Variants in SLC47A1 observed in about 807,000 individuals in gnomAD.
SLC47A1 encodes the protein solute carrier family 47 member 1, also known as multidrug and toxin extrusion protein 1.
In SLC47A1, 58 loss-of-function variants were observed where a neutral mutation model predicts 65.8. The ratio of observed to expected loss-of-function variants is 0.88; its 90% CI spans 0.71 to 1.10. The LOEUF (loss-of-function observed/expected upper bound fraction) is 1.10, where lower values mean the gene tolerates loss of function less well. Ranked by LOEUF, SLC47A1 falls within the 50% of genes least tolerant of loss-of-function variation. SLC47A1 has a pLI of 0.00. For synonymous variants in SLC47A1, 285 were observed against 295.0 expected (o/e 0.97, Z 0.35); for missense variants, 706 against 719.2 (o/e 0.98, Z 0.21).
Position 19,542,498 on chromosome 17 carries a change from C to T in SLC47A1, c.237+4C>T, listed in dbSNP as rs200313255. 45 of 1,605,010 alleles carry T rather than the reference C, an allele frequency of 2.8e-5. No individual in the cohort carries two copies. The highest frequency in any genetic ancestry group is 6.7e-5 in the African/African-American group (5 of 74,454). On this transcript the variant is annotated splice_donor_region_variant and intron_variant, in intron 2 of 16. Coordinates refer to ENST00000270570, the MANE Select transcript of SLC47A1 (RefSeq NM_018242.3). ...TGCAGTCACGCTGGCAATCGCGGTA[C>T]GTGTGGGCTTTCTGGCAGGTTTACC... is the stretch of plus-strand genomic sequence containing the variant.
At chr17:19,563,026 T>G (rs2084325468) in intron 12 of SLC47A1, among the ~76,000 whole-genome samples, 1 of 151,172 alleles carries the variant, frequency 6.6e-6, no homozygotes, top group African/African-American at 2.4e-5. Flanking sequence ...TCTAAAAATG[T>G]GGAATAAACA....
At position 19,577,626 on chromosome 17, in the gene SLC47A1, A is replaced by G; in HGVS notation, c.*73A>G. The G allele has an allele frequency of 1.9e-6, 3 of 1,591,446 alleles. No homozygotes were observed. The highest frequency in any genetic ancestry group is 2.6e-6 in the Non-Finnish European group (3 of 1,168,370). The stretch of plus-strand genomic sequence containing the variant: ...ACAATTCACAGGCCCACCAGTGACA[A>G]TTTACTGTGAGTTAATGTCATTCAG... On this transcript the variant is annotated 3_prime_UTR_variant, in exon 17 of 17. Coordinates refer to ENST00000270570, the MANE Select transcript of SLC47A1 (RefSeq NM_018242.3).
At chr17:19,564,845 C>T (rs1199615244) in intron 12 of SLC47A1, among the ~76,000 whole-genome samples, 1 of 152,068 alleles carries the variant, frequency 6.6e-6, no homozygotes, top group Non-Finnish European at 1.5e-5. Context: ...CTCAGCCTCC[C>T]GAGTAGCTGG....
chr17:19,577,887 A>T lies in SLC47A1; in HGVS notation c.*334A>T, dbSNP rs2084453327. 1 of 1,241,280 alleles carries T rather than the reference A, an allele frequency of 8.1e-7. No homozygotes were observed. Among genetic ancestry groups the T allele is most frequent in the Admixed American group, 3.2e-5 (1 of 31,412 alleles). The allele number at this position is 1,241,280 out of a possible 1,614,324, so 76.9% of individuals were successfully genotyped here. A position where few individuals can be genotyped will look rare whatever the true frequency, so the allele number is the denominator to read the frequency against. Reference sequence around the variant, plus strand: ...AAACCCATAAACTAACTGCTTAAGAATTCATACTGCTTGAATTATGTAAAA... The same window carrying T: ...AAACCCATAAACTAACTGCTTAAGATTTCATACTGCTTGAATTATGTAAAA... On this transcript the variant is annotated 3_prime_UTR_variant, in exon 17 of 17. Coordinates refer to ENST00000270570, the MANE Select transcript of SLC47A1 (RefSeq NM_018242.3).
chr17:19,560,415 C>T lies in SLC47A1; in HGVS notation c.1031-3C>T. The T allele has an allele frequency of 2.5e-6, 4 of 1,614,158 alleles. No individual in the cohort carries two copies. Among genetic ancestry groups the T allele is most frequent in the Admixed American group, 3.3e-5 (2 of 60,024 alleles). On this transcript the variant is annotated splice_polypyrimidine_tract_variant and splice_region_variant and intron_variant, in intron 11 of 16. Transcript: ENST00000270570. The stretch of plus-strand genomic sequence containing the variant: ...TTGTTTCTTCTGCCGTTTTTACCTT[C>T]AGTGCTCTTTGCTGTAGCCTTCAGT...
chr17:19,533,966 A>G lies in SLC47A1; in HGVS notation c.27A>G (p.Pro9=), dbSNP rs756949058. 2.0e-6 allele frequency: 3 copies of G among 1,535,834 alleles called. No homozygotes were observed. The highest frequency in any genetic ancestry group is 1.2e-5 in the South Asian group (1 of 82,464). Reference sequence around the variant, plus strand: ...TGGAAGCTCCTGAGGAGCCCGCGCCAGTGCGCGGAGGCCCGGAGGCCACCC... The same window carrying G: ...TGGAAGCTCCTGAGGAGCCCGCGCCGGTGCGCGGAGGCCCGGAGGCCACCC... MEAPEEPA[P]VRGGPEATLE... is the part of the protein sequence containing the mutation. Residue 9 remains proline, a synonymous_variant, in exon 1 of 17, where the codon CCA becomes CCG. Transcript: ENST00000270570.
intron 16 of SLC47A1, among the ~76,000 whole-genome samples, chr17:19,574,658 T>C (rs2084424890): frequency 3.3e-5 from 5 of 152,206 alleles, no homozygotes; most frequent in Admixed American, 3.3e-4. Flanking sequence ...TGTTTTTGAG[T>C]CTCACTCTGT....
rs545512039 is a variant in SLC47A1, at chr17:19,537,559, G to A, written c.135+3485G>A. Among the ~76,000 whole-genome samples, 7 of 152,316 alleles carry A rather than the reference G, an allele frequency of 4.6e-5. No individual in the cohort carries two copies. In the South Asian group the frequency reaches 6.2e-4, roughly 14 times the overall value. Reference sequence around the variant, plus strand: ...GACAGAGGAAAGCCGGGTGAGGTCCGGCCCCCACGCCTCTACTCCCCGTTC... The same window carrying A: ...GACAGAGGAAAGCCGGGTGAGGTCCAGCCCCCACGCCTCTACTCCCCGTTC... On this transcript the variant is annotated intron_variant, in intron 1 of 16. Transcript: ENST00000270570.
chr17:19,534,343 G>A, intron 1 of SLC47A1: 1 of 398,084 alleles, frequency 2.5e-6, no homozygotes. Context: ...GGCTCGGAGA[G>A]GCCGGCGGCT....
intron 1 of SLC47A1, among the ~76,000 whole-genome samples, chr17:19,540,296 C>T (rs1013657705): frequency 3.9e-5 from 6 of 152,124 alleles, no homozygotes; most frequent in Non-Finnish European, 7.4e-5. Flanking sequence ...ACAGGTGGCC[C>T]ACAGGGAGGC....
chr17:19,548,536 G>T (rs949876743), intron 4 of SLC47A1, among the ~76,000 whole-genome samples: 1 of 129,708 alleles, frequency 7.7e-6, no homozygotes, highest in Non-Finnish European at 1.6e-5. Context: ...GTCTCACTCC[G>T]TCCCCCAGAC....
At chr17:19,559,341 T>C (rs1048220360) in intron 10 of SLC47A1, among the ~76,000 whole-genome samples, 49 of 152,180 alleles carry the variant, frequency 3.2e-4, no homozygotes, top group Non-Finnish European at 8.8e-5. Flanking sequence ...TCTTCTAAGC[T>C]GGATCCCTTG....
At chr17:19,546,310 G>C in intron 2 of SLC47A1, 125 bp from the exon 3 acceptor site, 1 of 906,098 alleles carries the variant, frequency 1.1e-6, no homozygotes, top group East Asian at 2.6e-5. Context: ...AGCTAACAAA[G>C]TTGGTAAAAT....
chr17:19,577,471 T>C lies in SLC47A1; in HGVS notation c.1631T>C (p.Leu544Pro). 6 of 1,614,180 alleles carry C rather than the reference T, an allele frequency of 3.7e-6. No individual in the cohort carries two copies. The highest frequency in any genetic ancestry group is 5.1e-6 in the Non-Finnish European group (6 of 1,180,036). The change falls in exon 17 of 17, where the codon CTG becomes CCG. Residue 544 changes from leucine (L) to proline (P), a missense_variant. By Grantham distance (98) the Leu-to-Pro change is moderately conservative (BLOSUM62 -3). Coordinates refer to ENST00000270570, the MANE Select transcript of SLC47A1 (RefSeq NM_018242.3). ...GAKLSRKQLV[L>P]RRGLLLLGVF... ...AAATTGTCCAGGAAACAGCTGGTGC[T>C]GCGGCGAGGGCTTCTGCTCCTGGGG...
At chr17:19,542,607 T>A in intron 2 of SLC47A1, 113 bp downstream of exon 2, 1 of 870,488 alleles carries the variant, frequency 1.1e-6, no homozygotes, top group East Asian at 2.8e-5. Flanking sequence ...CTTATTCTCT[T>A]ACAGTGCTGG....
At chr17:19,560,895 A>AT (rs1055411802) in intron 12 of SLC47A1, among the ~76,000 whole-genome samples, 1 of 150,664 alleles carries the variant, frequency 6.6e-6, no homozygotes, top group Non-Finnish European at 1.5e-5. Context: ...AAAAAAAAAA[A>AT]GAAAGAAAGA....
In SLC47A1 at chr17:19,560,480, T is replaced by C. The variant is rs765701870; in HGVS notation, c.1093T>C (p.Phe365Leu). ...CTGTAAGGATCACGTGGGGTACATT[T>C]TTACTACCGACCGGTGAGTGCTAGG... ...LSCKDHVGYI[F>L]TTDRDIINLV... The change falls in exon 12 of 17, where the codon TTT becomes CTT. Residue 365 changes from phenylalanine to leucine, a missense_variant. Coordinates refer to ENST00000270570, the MANE Select transcript of SLC47A1 (RefSeq NM_018242.3). 4.3e-6 allele frequency: 7 copies of C among 1,614,224 alleles called. No individual in the cohort carries two copies. In the South Asian group the frequency reaches 7.7e-5, roughly 18 times the overall value.
intron 16 of SLC47A1, among the ~76,000 whole-genome samples, chr17:19,575,561 G>A (rs2084433325): frequency 6.6e-6 from 1 of 152,096 alleles, no homozygotes; most frequent in Non-Finnish European, 1.5e-5. Flanking sequence ...ACTATGCTCA[G>A]CTAACTCTTT....
chr17:19,560,138 C>T, intron 10 of SLC47A1, 50 bp from the exon 11 acceptor site: 1 of 1,382,992 alleles, frequency 7.2e-7, no homozygotes, highest in Non-Finnish European at 1.0e-6. Context: ...TGCACGTGTT[C>T]TCGCTCTGCA....
Sources: allele counts gnomAD v4.1 joint callset (sites outside exome capture counted in the v4.1 genomes callset), GRCh38; gene constraint gnomAD v4.1.1; transcripts MANE v1.5; gene names NCBI Gene and HGNC (gene_info 2026-07-23, HGNC 2026-07-21).